USP3: variants seen among roughly 807,000 people sequenced by gnomAD.
USP3 encodes ubiquitin specific peptidase 3, also known as ubiquitin carboxyl-terminal hydrolase 3.
In USP3, 20 loss-of-function variants were observed where a neutral mutation model predicts 72.3. That is an observed-to-expected ratio of 0.28 (90% CI 0.19 to 0.40). The LOEUF (loss-of-function observed/expected upper bound fraction) is 0.40. Among genes scored for constraint, USP3 ranks in the 10% least tolerant of loss-of-function variants. The pLI is 1.00. For missense variants in USP3, 479 were observed against 633.9 expected (o/e 0.76, Z 2.62); for synonymous variants, 222 against 225.3 (o/e 0.99, Z 0.13).
intron 3 of USP3, among the ~76,000 whole-genome samples, chr15:63,538,056 A>G: frequency 6.6e-6 from 1 of 151,712 alleles, no homozygotes; most frequent in South Asian, 2.1e-4. Flanking sequence ...TTGTAATATA[A>G]TATTCATGTC....
At chr15:63,526,919 G>A (rs746166237) in intron 1 of USP3, among the ~76,000 whole-genome samples, 1 of 152,206 alleles carries the variant, frequency 6.6e-6, no homozygotes, top group African/African-American at 2.4e-5. Context: ...CTTTGAGACA[G>A]GGTCTTGCTT....
chr15:63,587,261 G>A (rs1192813195), intron 11 of USP3, among the ~76,000 whole-genome samples: 2 of 152,122 alleles, frequency 1.3e-5, no homozygotes, highest in African/African-American at 4.8e-5. Flanking sequence ...GAGAGGCCGT[G>A]CACAGAGACC....
At chr15:63,550,240 G>A (rs968316696) in intron 3 of USP3, among the ~76,000 whole-genome samples, 3 of 152,172 alleles carry the variant, frequency 2.0e-5, no homozygotes, top group African/African-American at 7.2e-5. Context: ...GAATGGTCTT[G>A]ATCTCTTTAC....
intron 3 of USP3, among the ~76,000 whole-genome samples, chr15:63,546,592 T>G (rs2066331708): frequency 6.6e-6 from 1 of 150,886 alleles, no homozygotes; most frequent in African/African-American, 2.5e-5. Flanking sequence ...CTGTTTGCCT[T>G]TATTTTATTT....
intron 3 of USP3, among the ~76,000 whole-genome samples, chr15:63,538,227 A>G (rs1452343929): frequency 6.6e-6 from 1 of 152,184 alleles, no homozygotes; most frequent in Non-Finnish European, 1.5e-5. Context: ...TCTTTCTGTG[A>G]CTAGTAAATT....
intron 4 of USP3, among the ~76,000 whole-genome samples, chr15:63,554,219 A>T (rs1402659084): frequency 6.6e-6 from 1 of 152,236 alleles, no homozygotes; most frequent in African/African-American, 2.4e-5. Flanking sequence ...TTTAAGGGAA[A>T]TTAGGTTTAA....
chr15:63,536,454 GA>G (rs11406191), intron 2 of USP3, among the ~76,000 whole-genome samples: 6,945 of 141,068 alleles, frequency 0.049, 173 homozygotes, highest in East Asian at 0.12. Flanking sequence ...TGGTCTGAGA[GA>G]AAAAAAAAAA....
At chr15:63,564,750 C>T (rs554063976) in intron 8 of USP3, among the ~76,000 whole-genome samples, 4 of 152,316 alleles carry the variant, frequency 2.6e-5, no homozygotes, top group South Asian at 2.1e-4. Flanking sequence ...TCTTGAATGG[C>T]TGATGAGAAT....
In USP3 at chr15:63,544,536, A is replaced by G; in HGVS notation, c.284+7380A>G. ...GCAGGGCAAAAACAGGAAGGAAACG[A>G]GTGTTTCTAAAGTTAGAATTTTTTA... On this transcript the variant is annotated intron_variant, in intron 3 of 14. Coordinates refer to ENST00000380324, the MANE Select transcript of USP3 (RefSeq NM_006537.4). The surrounding 1 kb of genome is among the most constrained non-coding windows in gnomAD (Gnocchi z 4.2). 1.7e-6 allele frequency: 1 copy of G among 574,280 alleles called. No homozygotes were observed. Among genetic ancestry groups the G allele is most frequent in the Non-Finnish European group, 3.1e-6 (1 of 325,620 alleles). The allele number at this position is 574,280 out of a possible 1,614,324, so 35.6% of individuals were successfully genotyped here.
rs1485245746 is a variant in USP3 at position 63,548,538 on chromosome 15, G to A, written c.285-5177G>A. On this transcript the variant is annotated intron_variant, in intron 3 of 14. Transcript: ENST00000380324. ...AGACAGGGTTTCACCATGTTGGTCA[G>A]GCTGATCGCGAACTCCTGACCTCAG... Among the ~76,000 whole-genome samples the A allele has an allele frequency of 3.9e-5, 6 of 152,052 alleles. No homozygotes were observed. In the East Asian group the frequency reaches 1.2e-3, roughly 29 times the overall value.
chr15:63,565,482 A>G (rs750122411), intron 8 of USP3, among the ~76,000 whole-genome samples: 8 of 152,198 alleles, frequency 5.3e-5, no homozygotes, highest in Non-Finnish European at 1.0e-4. Flanking sequence ...AGGCAAAAAC[A>G]TATGTGGTTC....
chr15:63,524,378 T>C (rs564306509), intron 1 of USP3, among the ~76,000 whole-genome samples: 2 of 152,338 alleles, frequency 1.3e-5, no homozygotes, highest in South Asian at 2.1e-4. Flanking sequence ...GTGTGGATGA[T>C]GCTGCATCAC....
intron 1 of USP3, among the ~76,000 whole-genome samples, chr15:63,516,087 C>G (rs1387477078): frequency 6.6e-6 from 1 of 152,158 alleles, no homozygotes; most frequent in Non-Finnish European, 1.5e-5. Context: ...TATAGTGATT[C>G]ATTTTTCTTT....
chr15:63,536,901 A>T, intron 2 of USP3, 124 bp from the exon 3 acceptor site: 1 of 1,027,926 alleles, frequency 9.7e-7, no homozygotes, highest in Non-Finnish European at 1.4e-6. Context: ...ATAAATCACT[A>T]CATGATTGAC....
At chr15:63,556,552 A>C (rs566673863) in intron 4 of USP3, 115 bp from the exon 5 acceptor site, 4 of 666,844 alleles carry the variant, frequency 6.0e-6, no homozygotes, top group African/African-American at 3.7e-5. Context: ...CTGACGAAGC[A>C]GTCAGGGAGG....
intron 1 of USP3, among the ~76,000 whole-genome samples, chr15:63,520,446 C>T (rs1212291181): frequency 1.3e-5 from 2 of 151,062 alleles, no homozygotes; most frequent in South Asian, 2.1e-4. Flanking sequence ...ATACTGAAAA[C>T]ATAAAAAGTA....
intron 11 of USP3, among the ~76,000 whole-genome samples, chr15:63,577,367 C>T (rs1322377916): frequency 6.6e-6 from 1 of 152,252 alleles, no homozygotes; most frequent in African/African-American, 2.4e-5. Context: ...TGGCTTATGC[C>T]TGTAGTCCCA....
intron 3 of USP3, among the ~76,000 whole-genome samples, chr15:63,551,586 C>T (rs992030563): frequency 1.4e-4 from 21 of 152,142 alleles, no homozygotes; most frequent in Non-Finnish European, 2.1e-4. Flanking sequence ...ATTGGTGATA[C>T]GCTTTTGGGT....
At chr15:63,547,813 GCATAGA>G (rs2066365386) in intron 3 of USP3, among the ~76,000 whole-genome samples, 3 of 25,144 alleles carry the variant, frequency 1.2e-4, no homozygotes, top group South Asian at 2.0e-3. Context: ...ATAGAGAGAG[GCATAGA>G]GAGAGAGAGA....
Sources: allele counts gnomAD v4.1 joint callset (sites outside exome capture counted in the v4.1 genomes callset), GRCh38; gene constraint gnomAD v4.1.1; non-coding constraint Gnocchi (gnomAD v3.1); transcripts MANE v1.5; gene names NCBI Gene and HGNC (gene_info 2026-07-23, HGNC 2026-07-21).